Variants in FAM170A observed in about 807,000 individuals in gnomAD.
FAM170A encodes the protein family with sequence similarity 170 member A.
Under a neutral mutation model 36.6 loss-of-function variants are expected in FAM170A, and 28 were observed. The ratio of observed to expected loss-of-function variants is 0.76; its 90% CI spans 0.57 to 1.05. FAM170A has a LOEUF of 1.05. Among genes scored for constraint, FAM170A ranks in the 50% least tolerant of loss-of-function variants. The probability of loss-of-function intolerance (pLI) is 0.00; values close to 1 mark genes in which losing one functional copy is unlikely to be tolerated. For synonymous variants in FAM170A, 156 were observed against 143.9 expected (o/e 1.08, Z -0.60); for missense variants, 434 against 396.5 (o/e 1.09, Z -0.80).
rs1756327704 is a variant in FAM170A, at chr5:119,634,323, AAG to A, written c.578_579del (p.Glu193AlafsTer2). ...GACAGTGAGCCCAGTGGGGAGGAGA[AAG>A]AGCATGAGGAAAGGACAGAATCAGA... On this transcript the variant is annotated frameshift_variant, in exon 3 of 5. Coordinates refer to ENST00000613773, the Ensembl canonical transcript of FAM170A. LOFTEE classifies it high-confidence loss of function. 1.2e-6 allele frequency: 2 copies of A among 1,614,174 alleles called. No individual in the cohort carries two copies. The highest frequency in any genetic ancestry group is 8.5e-7 in the Non-Finnish European group (1 of 1,180,018).
At chr5:119,634,504 A>G in exon 3 of FAM170A, 1 of 1,613,960 alleles carries the variant, frequency 6.2e-7, no homozygotes, top group Non-Finnish European at 8.5e-7. Flanking sequence ...TTGGGATCAG[A>G]GAGGGCTTCA....
exon 3 of FAM170A, chr5:119,634,244 G>A (rs773539434): frequency 1.2e-6 from 2 of 1,614,214 alleles, no homozygotes; most frequent in African/African-American, 1.3e-5. Context: ...CCTTTCTGAG[G>A]TTGTGAGGGT....
intron 1 of FAM170A, among the ~76,000 whole-genome samples, chr5:119,630,475 TGA>T (rs1756225989): frequency 1.3e-5 from 2 of 152,318 alleles, no homozygotes. Context: ...CCGGCCAGCC[TGA>T]GCCTTCTTTA....
intron 1 of FAM170A, among the ~76,000 whole-genome samples, 198 bp downstream of exon 1, chr5:119,630,036 T>C (rs2431371): frequency 0.45 from 62,817 of 140,746 alleles, 13,216 homozygotes; most frequent in South Asian, 0.57. Context: ...GGACTACAGG[T>C]GCCCACCACC....
rs756464755 is a variant in FAM170A at position 119,635,023 on chromosome 5, C to T, written c.987-8C>T. ...GTGTCTTTCTTTGGTTTGATTTTCACACAGCAGCTGAGACTTATGGGCCAG... is the reference window on the plus strand; with the variant it reads ...GTGTCTTTCTTTGGTTTGATTTTCATACAGCAGCTGAGACTTATGGGCCAG... On this transcript the variant is annotated splice_region_variant and splice_polypyrimidine_tract_variant and intron_variant, in intron 3 of 4. Coordinates refer to ENST00000613773, the Ensembl canonical transcript of FAM170A. 16 of 1,613,964 alleles carry T rather than the reference C, an allele frequency of 9.9e-6. No homozygotes were observed. The highest frequency in any genetic ancestry group is 1.3e-5 in the Non-Finnish European group (15 of 1,179,984).
At chr5:119,632,058 C>T (rs1297059940) in intron 1 of FAM170A, among the ~76,000 whole-genome samples, 1 of 152,142 alleles carries the variant, frequency 6.6e-6, no homozygotes, top group East Asian at 1.9e-4. Flanking sequence ...ACGGGACATA[C>T]TTACGCTAAA....
chr5:119,633,801 G>A lies in FAM170A; in HGVS notation c.212-159G>A, dbSNP rs143765128. Among the ~76,000 whole-genome samples the A allele has an allele frequency of 4.9e-3, 747 of 152,148 alleles. 3 individuals are homozygous for A. The highest frequency in any genetic ancestry group is 0.015 in the African/African-American group (643 of 41,492). On this transcript the variant is annotated intron_variant, in intron 2 of 4. Transcript: ENST00000613773. ...ACATCCCTACACGCAAATGACACTA[G>A]AATCACTACCCCACAATATGAACAA...
chr5:119,630,560 G>T (rs1346271329), intron 1 of FAM170A, among the ~76,000 whole-genome samples: 1 of 152,094 alleles, frequency 6.6e-6, no homozygotes, highest in African/African-American at 2.4e-5. Flanking sequence ...GCTGATGCCC[G>T]CACATCCATC....
At chr5:119,633,397 G>A (rs1005133942) in intron 2 of FAM170A, among the ~76,000 whole-genome samples, 14 of 152,086 alleles carry the variant, frequency 9.2e-5, no homozygotes, top group African/African-American at 3.4e-4. Context: ...GCAGAGGCCA[G>A]AAAAGTCTGC....
rs775323549 is a variant in FAM170A at position 119,632,939 on chromosome 5, T to C, written c.211+51T>C. ...CGTGGCTCCTTGGCTGTGGGGTTCA[T>C]TGGGCATGAAAATATTTGAGTGTGG... On this transcript the variant is annotated intron_variant, in intron 2 of 4. Transcript: ENST00000613773. 5.3e-6 allele frequency: 8 copies of C among 1,513,802 alleles called. No homozygotes were observed. The South Asian group carries it at 7.9e-5, about 15-fold the overall frequency. 93.8% of individuals were successfully genotyped at this position (1,513,802 alleles called of 1,614,324 possible).
intron 2 of FAM170A, among the ~76,000 whole-genome samples, chr5:119,633,395 CA>C (rs1756298783): frequency 1.3e-5 from 2 of 152,050 alleles, no homozygotes; most frequent in South Asian, 4.1e-4. Context: ...GAGCAGAGGC[CA>C]GAAAAGTCTG....
chr5:119,633,337 G>C (rs549644498), intron 2 of FAM170A, among the ~76,000 whole-genome samples: 4 of 152,134 alleles, frequency 2.6e-5, no homozygotes, highest in Non-Finnish European at 5.9e-5. Context: ...ATGGATATAA[G>C]CTCAGTGTAG....
At chr5:119,635,245 C>A (rs1349823131) in intron 4 of FAM170A, among the ~76,000 whole-genome samples, 159 bp downstream of exon 4, 1 of 152,186 alleles carries the variant, frequency 6.6e-6, no homozygotes, top group African/African-American at 2.4e-5. Flanking sequence ...CCTCCATTTG[C>A]TTAGATGACA....
At chr5:119,629,726 G>A (rs1358485120) in exon 1 of FAM170A, 7 of 1,485,498 alleles carry the variant, frequency 4.7e-6, no homozygotes, top group Non-Finnish European at 6.6e-6. Flanking sequence ...AAAAGTGGGA[G>A]GTGGACATTA....
chr5:119,634,386 C>A, exon 3 of FAM170A: 1 of 1,614,120 alleles, frequency 6.2e-7, no homozygotes, highest in South Asian at 1.1e-5. Flanking sequence ...GAGGACACAC[C>A]CAGAGCCAAG....
rs1756313621 is a variant in FAM170A, at chr5:119,633,957, C to T, written c.212-3C>T. 1 of 1,602,436 alleles carries T rather than the reference C, an allele frequency of 6.2e-7. No homozygotes were observed. The highest frequency in any genetic ancestry group is 1.1e-5 in the South Asian group (1 of 89,836). ...TGCTCATGTTTCTAATTTCCTTTCC[C>T]AGGAATCCAGAGAATACATCGAGAC... On this transcript the variant is annotated splice_polypyrimidine_tract_variant and splice_region_variant and intron_variant, in intron 2 of 4. Coordinates refer to ENST00000613773, the Ensembl canonical transcript of FAM170A.
At chr5:119,631,305 A>G (rs1756245969) in intron 1 of FAM170A, among the ~76,000 whole-genome samples, 1 of 152,176 alleles carries the variant, frequency 6.6e-6, no homozygotes, top group South Asian at 2.1e-4. Context: ...GTAGGCATGG[A>G]GAGCAGGGGG....
At chr5:119,634,789 A>G in intron 3 of FAM170A, 55 bp downstream of exon 3, 1 of 1,485,694 alleles carries the variant, frequency 6.7e-7, no homozygotes, top group Non-Finnish European at 9.0e-7. Flanking sequence ...TCCCCGAGCC[A>G]GTACTGTCTC....
Position 119,632,986 on chromosome 5 carries a change from T to G in FAM170A, c.211+98T>G. The G allele has an allele frequency of 1.5e-6, 2 of 1,367,366 alleles. 1 individual carries two copies. Among genetic ancestry groups the G allele is most frequent in the South Asian group, 3.1e-5 (2 of 64,946 alleles). 84.7% of individuals were successfully genotyped at this position (1,367,366 alleles called of 1,614,324 possible). Reference sequence around the variant, plus strand: ...GTGGGGCTCTGTGGGCATGAGACTCTTTGGTTGCAGTGCTGCTTGGGTGTA... The same window carrying G: ...GTGGGGCTCTGTGGGCATGAGACTCGTTGGTTGCAGTGCTGCTTGGGTGTA... On this transcript the variant is annotated intron_variant, in intron 2 of 4. Coordinates refer to ENST00000613773, the Ensembl canonical transcript of FAM170A.
Sources: gnomAD v4.1 joint callset for allele counts (sites outside exome capture counted in the v4.1 genomes callset) on GRCh38, gnomAD v4.1.1 for gene constraint, MANE v1.5 for transcripts, NCBI Gene and HGNC (gene_info 2026-07-23, HGNC 2026-07-21) for gene names.